Variants in WDR20 observed in about 807,000 individuals in gnomAD.
WDR20 encodes WD repeat-containing protein 20.
In WDR20, 3 loss-of-function variants were observed where a neutral mutation model predicts 38.7. The ratio of observed to expected loss-of-function variants is 0.08; its 90% CI spans 0.04 to 0.20. WDR20 has a LOEUF of 0.20. WDR20 is among the 10% of genes least tolerant of loss of function. The pLI is 1.00. For synonymous variants in WDR20, 298 were observed against 285.6 expected (o/e 1.04, Z -0.44); for missense variants, 559 against 727.7 (o/e 0.77, Z 2.67).
chr14:102,195,614 T>G (rs1206122505), intron 2 of WDR20, among the ~76,000 whole-genome samples: 1 of 152,250 alleles, frequency 6.6e-6, no homozygotes, highest in Non-Finnish European at 1.5e-5. Flanking sequence ...TTGACATAGT[T>G]GGAAATCCTG....
In WDR20 at chr14:102,222,088, GC is replaced by G. The variant is rs1008691060; in HGVS notation, c.1693-737del. 2.7e-5 allele frequency among the ~76,000 whole-genome samples: 4 copies of G among 147,188 alleles called. No individual in the cohort carries two copies. Among genetic ancestry groups the G allele is most frequent in the Non-Finnish European group, 6.0e-5 (4 of 66,884 alleles). On this transcript the variant is annotated intron_variant, in intron 3 of 3. Coordinates refer to the WDR20 transcript ENST00000335263. The surrounding 1 kb of genome is among the most constrained non-coding windows in gnomAD (Gnocchi z 4.4). ...TTGTAAAATCTGGGTGAGATTCCCC[GC>G]CCCCGCCCCCGACAGTGAGCCTCTC...
chr14:102,214,691 T>C (rs1005755077), downstream of WDR20: 16 of 982,714 alleles, frequency 1.6e-5, no homozygotes, highest in African/African-American at 2.8e-4. Flanking sequence ...AAAGTAAAAT[T>C]CACATGTATT....
intron 1 of WDR20, among the ~76,000 whole-genome samples, chr14:102,143,795 G>A (rs967845346): frequency 3.3e-5 from 5 of 151,752 alleles, no homozygotes; most frequent in African/African-American, 7.3e-5. Flanking sequence ...CACCCTCCTC[G>A]GCCTTCCAAA....
chr14:102,224,187 G>A (rs1017244200), downstream of WDR20, among the ~76,000 whole-genome samples: 20 of 151,856 alleles, frequency 1.3e-4, no homozygotes, highest in Non-Finnish European at 2.2e-4. Flanking sequence ...GACTACAGGC[G>A]CCCGCCACCA....
downstream of WDR20, among the ~76,000 whole-genome samples, chr14:102,218,173 C>A (rs916013047): frequency 6.6e-6 from 1 of 152,182 alleles, no homozygotes; most frequent in Non-Finnish European, 1.5e-5. Context: ...GGCCTGTGTG[C>A]GTCTTACTTT....
At chr14:102,206,637 G>A (rs2061583764) in intron 2 of WDR20, among the ~76,000 whole-genome samples, 1 of 152,222 alleles carries the variant, frequency 6.6e-6, no homozygotes, top group Non-Finnish European at 1.5e-5. Context: ...CCAAAATCAG[G>A]ACAGCAGTCT....
At chr14:102,151,488 T>C (rs537715859) in intron 1 of WDR20, among the ~76,000 whole-genome samples, 1 of 152,088 alleles carries the variant, frequency 6.6e-6, no homozygotes, top group Non-Finnish European at 1.5e-5. Context: ...CTTGAACTCC[T>C]GGGCTGAAGC....
At chr14:102,201,917 C>A (rs1453440159) in intron 2 of WDR20, among the ~76,000 whole-genome samples, 1 of 152,152 alleles carries the variant, frequency 6.6e-6, no homozygotes, top group African/African-American at 2.4e-5. Flanking sequence ...GCCCATCTCT[C>A]AGTGTACCCC....
At chr14:102,185,339 G>A (rs761072064) in intron 1 of WDR20, among the ~76,000 whole-genome samples, 2 of 152,066 alleles carry the variant, frequency 1.3e-5, no homozygotes, top group South Asian at 4.1e-4. Flanking sequence ...AAAAGAAGAG[G>A]TAGATCTGGA....
chr14:102,167,118 C>T lies in WDR20; in HGVS notation c.249+26946C>T, dbSNP rs572302501. 1.3e-4 allele frequency among the ~76,000 whole-genome samples: 20 copies of T among 152,344 alleles called. No individual in the cohort carries two copies. The South Asian group carries it at 4.1e-3, about 32-fold the overall frequency. Reference sequence around the variant, plus strand: ...TGAAACTACCCCTTGCCTACCTTATCAGTCACTCTTCCCTTCATTATATCT... The same window carrying T: ...TGAAACTACCCCTTGCCTACCTTATTAGTCACTCTTCCCTTCATTATATCT... On this transcript the variant is annotated intron_variant, in intron 1 of 2. Coordinates refer to ENST00000342702, the MANE Select transcript of WDR20 (RefSeq NM_144574.4).
At chr14:102,175,005 G>A (rs534834400) in intron 1 of WDR20, among the ~76,000 whole-genome samples, 1 of 152,308 alleles carries the variant, frequency 6.6e-6, no homozygotes, top group South Asian at 2.1e-4. Context: ...CTGCAACCCT[G>A]TGGGTTGTTT....
At chr14:102,211,040 G>A (rs1012844366), downstream of WDR20, among the ~76,000 whole-genome samples, 1 of 152,030 alleles carries the variant, frequency 6.6e-6, no homozygotes, top group African/African-American at 2.4e-5. This position sits in a 1 kb window ranked among gnomAD's most constrained non-coding sequence, Gnocchi z 4.2. Flanking sequence ...TGGCTTCCTC[G>A]GCAGTGGGAG....
intron 1 of WDR20, among the ~76,000 whole-genome samples, chr14:102,158,116 T>G (rs888317506): frequency 6.6e-6 from 1 of 152,066 alleles, no homozygotes; most frequent in Non-Finnish European, 1.5e-5. Flanking sequence ...GTATACACAC[T>G]CGATCCCAGT....
chr14:102,192,749 T>C (rs2058724502), intron 1 of WDR20, among the ~76,000 whole-genome samples: 1 of 152,202 alleles, frequency 6.6e-6, no homozygotes, highest in Non-Finnish European at 1.5e-5. Flanking sequence ...CTGGCCAGCC[T>C]TTAAATTGAT....
chr14:102,146,785 T>G (rs1049271710), intron 1 of WDR20, among the ~76,000 whole-genome samples: 7 of 152,202 alleles, frequency 4.6e-5, no homozygotes, highest in African/African-American at 1.7e-4. Context: ...TTCACACCAT[T>G]CTCCCCTTTT....
Position 102,183,858 on chromosome 14 carries a change from G to C in WDR20, c.250-11080G>C, listed in dbSNP as rs565939131. Among the ~76,000 whole-genome samples, 10 of 152,342 alleles carry C rather than the reference G, an allele frequency of 6.6e-5. No individual in the cohort carries two copies. The South Asian group carries it at 2.1e-3, about 32-fold the overall frequency. On this transcript the variant is annotated intron_variant, in intron 1 of 2. Coordinates refer to ENST00000342702, the MANE Select transcript of WDR20 (RefSeq NM_144574.4). ...AGGTTAGAACAACAACAGTGTAGTA[G>C]TTAGGCAGCACACAGGAATTACTCT... is the stretch of plus-strand genomic sequence containing the variant.
chr14:102,214,283 A>ATTGGGACTGTCGGGTG (rs2062934639), downstream of WDR20: 1 of 985,372 alleles, frequency 1.0e-6, no homozygotes, highest in Non-Finnish European at 1.2e-6. Context: ...CCACGGGCTG[A>ATTGGGACTGTCGGGTG]TTGGGACTGT....
chr14:102,208,674 C>G lies in WDR20; in HGVS notation c.504C>G (p.Ala168=), dbSNP rs1361784933. Reference sequence around the variant, plus strand: ...GTTCGGAAAGCCTTTTCCTAGTAGCCCACTCGAGTGGGAACATGTACTTAT... The same window carrying G: ...GTTCGGAAAGCCTTTTCCTAGTAGCGCACTCGAGTGGGAACATGTACTTAT... ...VPGSESLFLV[A]HSSGNMYLYN... is the part of the protein sequence containing the mutation. Residue 168 remains alanine (A), a synonymous_variant, in exon 3 of 3, where the codon GCC becomes GCG. Coordinates refer to ENST00000342702, the MANE Select transcript of WDR20 (RefSeq NM_144574.4). The surrounding 1 kb of genome is among the most constrained non-coding windows in gnomAD (Gnocchi z 5.6). The G allele has an allele frequency of 6.2e-7, 1 of 1,613,920 alleles. No homozygotes were observed. Among genetic ancestry groups the G allele is most frequent in the South Asian group, 1.1e-5 (1 of 91,078 alleles).
intron 1 of WDR20, 67 bp downstream of exon 1, chr14:102,140,239 A>G (rs2050381352): frequency 1.3e-6 from 2 of 1,589,112 alleles, no homozygotes; most frequent in East Asian, 4.5e-5. Context: ...GGGCGGTGAC[A>G]GTGGGGCCAG....
Sources: allele counts gnomAD v4.1 joint callset (sites outside exome capture counted in the v4.1 genomes callset), GRCh38; gene constraint gnomAD v4.1.1; non-coding constraint Gnocchi (gnomAD v3.1); transcripts MANE v1.5; gene names NCBI Gene and HGNC (gene_info 2026-07-23, HGNC 2026-07-21).